The following ZNF552 variants were observed in gnomAD, a reference collection of about 807,000 sequenced individuals.
The protein encoded by ZNF552 is zinc finger protein 552.
A neutral mutation model predicts 7.2 loss-of-function variants in ZNF552; 2 were observed. The ratio of observed to expected loss-of-function variants is 0.28; its 90% CI spans 0.11 to 0.88. The LOEUF is 0.88. Among genes scored for constraint, ZNF552 ranks in the 40% least tolerant of loss-of-function variants. ZNF552 has a pLI of 0.60. For synonymous variants in ZNF552, 173 were observed against 176.5 expected (o/e 0.98, Z 0.16); for missense variants, 421 against 493.4 (o/e 0.85, Z 1.39).
In ZNF552 at chr19:57,814,641, CGCTCCCTCGCT is replaced by C. The variant is rs773466771; in HGVS notation, c.33+59_33+69del. ...GGGTTGCAGAGCCGTAAACAGGTGC[CGCTCCCTCGCT>C]GCTTTAGGACTTGTGTGACTAGGAG... On this transcript the variant is annotated intron_variant, in intron 1 of 2. Coordinates refer to ENST00000391701, the MANE Select transcript of ZNF552 (RefSeq NM_024762.3). 3 of 1,612,712 alleles carry C rather than the reference CGCTCCCTCGCT, an allele frequency of 1.9e-6. No homozygotes were observed. The South Asian group carries it at 3.3e-5, about 18-fold the overall frequency.
intron 2 of ZNF552, among the ~76,000 whole-genome samples, chr19:57,811,727 A>C (rs1987861456): frequency 6.7e-6 from 1 of 150,046 alleles, no homozygotes; most frequent in Non-Finnish European, 1.5e-5. Context: ...AAAAAAAAAA[A>C]AAAAAAAAAA....
At chr19:57,810,627 A>C (rs1290406181) in intron 2 of ZNF552, among the ~76,000 whole-genome samples, 6 of 152,136 alleles carry the variant, frequency 3.9e-5, no homozygotes, top group African/African-American at 1.4e-4. Context: ...ACTGCCTAGG[A>C]AAGCCAGGTA....
rs1418671859 is a variant in ZNF552 at position 57,807,523 on chromosome 19, C to T, written c.*517G>A. ...TGAGCCGAGATTATGCCACTGTACT[C>T]CAGCCTGGGTGACAGAGCGAGGCTG... On this transcript the variant is annotated 3_prime_UTR_variant, in exon 3 of 3. Coordinates refer to ENST00000391701, the MANE Select transcript of ZNF552 (RefSeq NM_024762.3). 1 of 153,354 alleles carries T rather than the reference C, an allele frequency of 6.5e-6. No individual in the cohort carries two copies. Among genetic ancestry groups the T allele is most frequent in the Non-Finnish European group, 1.5e-5 (1 of 68,924 alleles). 9.5% of individuals were successfully genotyped at this position (153,354 alleles called of 1,614,324 possible). A position where few individuals can be genotyped will look rare whatever the true frequency, so the allele number is the denominator to read the frequency against.
Position 57,813,185 on chromosome 19 carries a change from A to C in ZNF552, c.160+109T>G. 2.0e-6 allele frequency: 3 copies of C among 1,538,442 alleles called. No individual in the cohort carries two copies. The Admixed American group carries it at 6.1e-5, about 31-fold the overall frequency. On this transcript the variant is annotated intron_variant, in intron 2 of 2. Coordinates refer to ENST00000391701, the MANE Select transcript of ZNF552 (RefSeq NM_024762.3). ...CTCAGTCCTACCAACCAAGAACTGA[A>C]GTAGGAAGCTGTGTCCATGCTCCTG...
At chr19:57,809,253 T>C (rs1285902519) in intron 2 of ZNF552, 150 bp from the exon 3 acceptor site, 1 of 1,530,466 alleles carries the variant, frequency 6.5e-7, no homozygotes, top group East Asian at 2.4e-5. Flanking sequence ...TGGTGCTATG[T>C]ATTATTACTG....
Position 57,813,290 on chromosome 19 carries a change from T to C in ZNF552, c.160+4A>G. 6.2e-6 allele frequency: 10 copies of C among 1,614,050 alleles called. No homozygotes were observed. Among genetic ancestry groups the C allele is most frequent in the Non-Finnish European group, 8.5e-6 (10 of 1,180,002 alleles). On this transcript the variant is annotated splice_donor_region_variant and intron_variant, in intron 2 of 2. Transcript: ENST00000391701. ...GGTCACAGGGGTGAGTGTGGGCAAC[T>C]TACCCAGGGAGGACATAAGTGCCAG...
At chr19:57,811,013 C>T (rs1050309507) in intron 2 of ZNF552, among the ~76,000 whole-genome samples, 6 of 152,204 alleles carry the variant, frequency 3.9e-5, no homozygotes, top group Non-Finnish European at 7.3e-5. Flanking sequence ...TGTTTTCCTG[C>T]TGAACCTCTC....
Position 57,808,476 on chromosome 19 carries a change from G to A in ZNF552, c.788C>T (p.Thr263Ile), listed in dbSNP as rs552269273. ...DSFSNHQGVH[T>I]REKPYTCGIC... ...CCCACACGTATAAGGTTTTTCTCTA[G>A]TGTGAACTCCTTGATGATTACTGAA... The change falls in exon 3 of 3, where the codon ACT (threonine) becomes ATT (isoleucine). Residue 263 changes from threonine to isoleucine, a missense_variant. By Grantham distance (89) the Thr-to-Ile change is moderately conservative. Coordinates refer to ENST00000391701, the MANE Select transcript of ZNF552 (RefSeq NM_024762.3). 27 of 1,613,920 alleles carry A rather than the reference G, an allele frequency of 1.7e-5. No individual in the cohort carries two copies. The South Asian group carries it at 2.7e-4, about 16-fold the overall frequency.
At chr19:57,809,421 G>C (rs946900554) in intron 2 of ZNF552, among the ~76,000 whole-genome samples, 1 of 152,150 alleles carries the variant, frequency 6.6e-6, no homozygotes, top group African/African-American at 2.4e-5. Context: ...TGTAGAGAGG[G>C]ATTTGTCCAG....
intron 2 of ZNF552, among the ~76,000 whole-genome samples, chr19:57,811,623 G>A (rs953433219): frequency 5.4e-5 from 8 of 148,358 alleles, no homozygotes; most frequent in African/African-American, 2.0e-4. Flanking sequence ...GAGGCTGAGG[G>A]CAGAATTGCT....
intron 2 of ZNF552, 162 bp downstream of exon 2, chr19:57,813,132 C>T: frequency 8.0e-7 from 1 of 1,253,172 alleles, no homozygotes; most frequent in Non-Finnish European, 1.1e-6. Context: ...TGGGGCTGCT[C>T]CAAGAATGGA....
Position 57,807,811 on chromosome 19 carries a change from C to T in ZNF552, c.*229G>A, listed in dbSNP as rs1166158021. On this transcript the variant is annotated 3_prime_UTR_variant, in exon 3 of 3. Coordinates refer to ENST00000391701, the MANE Select transcript of ZNF552 (RefSeq NM_024762.3). ...CTGGATAAATATCCTGTATTTGTCACACTAGTAAGGCCTTCATTCAGTGTT... is the reference window on the plus strand; with the variant it reads ...CTGGATAAATATCCTGTATTTGTCATACTAGTAAGGCCTTCATTCAGTGTT... 1.4e-5 allele frequency: 8 copies of T among 571,578 alleles called. No homozygotes were observed. Among genetic ancestry groups the T allele is most frequent in the African/African-American group, 1.1e-4 (6 of 53,092 alleles). 35.4% of individuals were successfully genotyped at this position (571,578 alleles called of 1,614,324 possible).
intron 2 of ZNF552, among the ~76,000 whole-genome samples, chr19:57,812,570 A>G (rs1987877755): frequency 6.6e-6 from 1 of 152,120 alleles, no homozygotes. Flanking sequence ...ATATTACAAA[A>G]AGAATTTCTG....
Position 57,808,293 on chromosome 19 carries a change from T to C in ZNF552, c.971A>G (p.Tyr324Cys), listed in dbSNP as rs1568489994. The change falls in exon 3 of 3, where the codon TAT (tyrosine) becomes TGT (cysteine). Residue 324 changes from tyrosine to cysteine, a missense_variant. Physicochemically the swap from Tyr to Cys is radical, Grantham distance 194. Transcript: ENST00000391701. ...HQRVHTGERPYECSDCGKSFT... is the reference protein window; with the variant it reads ...HQRVHTGERPCECSDCGKSFT... ...TGACTTCCCACAATCACTGCATTCA[T>C]ATGGCCTTTCTCCAGTGTGAACTCT... 1 of 1,614,156 alleles carries C rather than the reference T, an allele frequency of 6.2e-7. No individual in the cohort carries two copies. Among genetic ancestry groups the C allele is most frequent in the Non-Finnish European group, 8.5e-7 (1 of 1,180,022 alleles).
Position 57,814,764 on chromosome 19 carries a change from G to A in ZNF552, c.-21C>T, listed in dbSNP as rs775624360. The A allele has an allele frequency of 6.2e-7, 1 of 1,612,824 alleles. No homozygotes were observed. Among genetic ancestry groups the A allele is most frequent in the Non-Finnish European group, 8.5e-7 (1 of 1,179,572 alleles). On this transcript the variant is annotated 5_prime_UTR_variant, in exon 1 of 3. Coordinates refer to ENST00000391701, the MANE Select transcript of ZNF552 (RefSeq NM_024762.3). ...GCCATGGGACCACGTGGGGTAAGCT[G>A]GGTTGAGAGCAGCGGGCGCCGTTAA...
At chr19:57,812,026 C>A (rs1333485509) in intron 2 of ZNF552, among the ~76,000 whole-genome samples, 2 of 75,198 alleles carry the variant, frequency 2.7e-5, no homozygotes, top group Non-Finnish European at 4.8e-5. Context: ...GAGACTCTGT[C>A]TCAAAAAAAA....
chr19:57,808,465 G>GTTT lies in ZNF552; in HGVS notation c.796_798dup (p.Lys266dup). On this transcript the variant is annotated inframe_insertion, in exon 3 of 3. Coordinates refer to ENST00000391701, the MANE Select transcript of ZNF552 (RefSeq NM_024762.3). ...TTCCCACATATCCCACACGTATAAG[G>GTTT]TTTTTCTCTAGTGTGAACTCCTTGA... 6.2e-7 allele frequency: 1 copy of GTTT among 1,613,886 alleles called. No homozygotes were observed. The highest frequency in any genetic ancestry group is 1.3e-5 in the African/African-American group (1 of 74,988).
Position 57,814,693 on chromosome 19 carries a change from G to A in ZNF552, c.33+18C>T, listed in dbSNP as rs1987926970. 1 of 1,614,104 alleles carries A rather than the reference G, an allele frequency of 6.2e-7. No homozygotes were observed. Among genetic ancestry groups the A allele is most frequent in the Non-Finnish European group, 8.5e-7 (1 of 1,180,018 alleles). On this transcript the variant is annotated intron_variant, in intron 1 of 2. Transcript: ENST00000391701. ...TGACTAGGAGGTGACCGGAGAGCAC[G>A]GAAGGCGCCACAATTACCTGAACGG...
At chr19:57,813,059 G>C (rs1296007067) in intron 2 of ZNF552, 3 of 572,012 alleles carry the variant, frequency 5.2e-6, no homozygotes, top group Non-Finnish European at 8.7e-6. Context: ...AAGGTAGCCT[G>C]CATTAAGTTG....
Sources: allele counts gnomAD v4.1 joint callset (sites outside exome capture counted in the v4.1 genomes callset), GRCh38; gene constraint gnomAD v4.1.1; transcripts MANE v1.5; gene names NCBI Gene and HGNC (gene_info 2026-07-23, HGNC 2026-07-21).